Variants in SLC24A4 observed in about 807,000 individuals in gnomAD.
The protein encoded by SLC24A4 is sodium/potassium/calcium exchanger 4.
In SLC24A4, 53 loss-of-function variants were observed where a neutral mutation model predicts 79.0. The ratio of observed to expected loss-of-function variants is 0.67; its 90% confidence interval spans 0.54 to 0.84. The LOEUF is 0.84. Ranked by LOEUF, SLC24A4 falls within the 40% of genes least tolerant of loss-of-function variation. The probability of loss-of-function intolerance (pLI) is 0.00; values close to 1 mark genes in which losing one functional copy is unlikely to be tolerated. For missense variants in SLC24A4, 731 were observed against 822.0 expected (o/e 0.89, Z 1.35); for synonymous variants, 323 against 323.8 (o/e 1.00, Z 0.03).
At chr14:92,433,374 A>G (rs1476972271) in intron 2 of SLC24A4, among the ~76,000 whole-genome samples, 1 of 152,212 alleles carries the variant, frequency 6.6e-6, no homozygotes, top group East Asian at 1.9e-4. Context: ...TTATTTCCAC[A>G]TCTTGGCTGT....
chr14:92,456,693 G>A (rs1469202106), intron 12 of SLC24A4, 85 bp downstream of exon 12: 1 of 1,366,948 alleles, frequency 7.3e-7, no homozygotes. Flanking sequence ...ATGGAGGCAT[G>A]GACTTGTAAG....
rs1034479285 is a variant in SLC24A4, at chr14:92,349,407, G to A, written c.241+23429G>A. Among the ~76,000 whole-genome samples the A allele has an allele frequency of 5.3e-5, 8 of 152,166 alleles. No individual in the cohort carries two copies. The South Asian group carries it at 1.2e-3, about 24-fold the overall frequency. ...ATTCCTGAGCTCAAGTGATCCGCCC[G>A]CCTTGGCCTCCCAAAGTGCTGGGAT... is the stretch of plus-strand genomic sequence containing the variant. On this transcript the variant is annotated intron_variant, in intron 2 of 16. Coordinates refer to ENST00000532405, the MANE Select transcript of SLC24A4 (RefSeq NM_153646.4).
chr14:92,385,176 A>G lies in SLC24A4; in HGVS notation c.242-48736A>G, dbSNP rs77547788. 5.8e-3 allele frequency among the ~76,000 whole-genome samples: 879 copies of G among 152,326 alleles called. 11 individuals carry two copies. Among genetic ancestry groups the G allele is most frequent in the African/African-American group, 0.02 (848 of 41,564 alleles). On this transcript the variant is annotated intron_variant, in intron 2 of 16. Transcript: ENST00000532405. ...ACTCTTAGCACCTCTGCTAAGACACAGTGCCTACCCATGCCTTCTGTAGAT... is the reference window on the plus strand; with the variant it reads ...ACTCTTAGCACCTCTGCTAAGACACGGTGCCTACCCATGCCTTCTGTAGAT...
intron 1 of SLC24A4, among the ~76,000 whole-genome samples, chr14:92,325,596 A>C (rs539057517): frequency 6.6e-6 from 1 of 152,282 alleles, no homozygotes; most frequent in Admixed American, 6.5e-5. Flanking sequence ...CGTTTGTTGC[A>C]CCTATGAGGT....
chr14:92,392,051 G>A (rs548176367), intron 2 of SLC24A4, among the ~76,000 whole-genome samples: 1 of 152,182 alleles, frequency 6.6e-6, no homozygotes, highest in East Asian at 1.9e-4. Context: ...CACCAGCCCT[G>A]GTTGCTTAAG....
intron 2 of SLC24A4, among the ~76,000 whole-genome samples, chr14:92,410,493 G>T (rs4904900): frequency 3.9e-5 from 6 of 152,130 alleles, no homozygotes; most frequent in Non-Finnish European, 7.4e-5. Context: ...GCCTAGTTTT[G>T]TAAGGTACCT....
intron 2 of SLC24A4, among the ~76,000 whole-genome samples, chr14:92,381,766 A>G (rs1780008154): frequency 6.6e-6 from 1 of 151,536 alleles, no homozygotes; most frequent in Non-Finnish European, 1.5e-5. Context: ...AGAGCTTTAA[A>G]AAAAAATACG....
chr14:92,356,381 GA>G (rs1887183288), intron 2 of SLC24A4, among the ~76,000 whole-genome samples: 1 of 152,202 alleles, frequency 6.6e-6, no homozygotes, highest in East Asian at 1.9e-4. Context: ...TTTTCCTTGT[GA>G]AATGTTTTTC....
chr14:92,455,942 C>A (rs1893430641), intron 11 of SLC24A4, among the ~76,000 whole-genome samples: 1 of 152,170 alleles, frequency 6.6e-6, no homozygotes, highest in South Asian at 2.1e-4. Flanking sequence ...CTCAAGTGAT[C>A]CACCCACCTC....
chr14:92,324,708 A>G (rs564397044), intron 1 of SLC24A4, among the ~76,000 whole-genome samples: 5 of 152,348 alleles, frequency 3.3e-5, no homozygotes, highest in African/African-American at 9.6e-5. Flanking sequence ...GGAGACATTC[A>G]CTTCCCTAAT....
chr14:92,439,195 T>C (rs1892353409), intron 3 of SLC24A4, 140 bp from the exon 4 acceptor site: 2 of 652,570 alleles, frequency 3.1e-6, no homozygotes, highest in Non-Finnish European at 5.5e-6. Flanking sequence ...GAACGAAATC[T>C]ATGGTGCTGG....
chr14:92,456,587 C>T lies in SLC24A4; in HGVS notation c.1234C>T (p.Leu412=), dbSNP rs1467926364. 3 of 1,613,678 alleles carry T rather than the reference C, an allele frequency of 1.9e-6. No individual in the cohort carries two copies. Among genetic ancestry groups the T allele is most frequent in the African/African-American group, 1.3e-5 (1 of 74,928 alleles). ...PEPEPVEADF[L]SPFSVPEARG... ...GCCAGAGCCGGTGGAGGCTGACTTC[C>T]TGTCCCCCTTCTCCGTGCCGGGTGA... The change falls in exon 12 of 17, where the codon CTG becomes TTG. Residue 412 remains leucine (L), a synonymous_variant. Coordinates refer to ENST00000532405, the MANE Select transcript of SLC24A4 (RefSeq NM_153646.4).
rs1214636579 is a variant in SLC24A4, at chr14:92,323,675, C to T, written c.-156C>T. The stretch of plus-strand genomic sequence containing the variant: ...CCACCTTCCCAAGGGGCTCCCCCGC[C>T]GACCTCGCCCTCGGGCCATGAGGCT... On this transcript the variant is annotated 5_prime_UTR_variant, in exon 1 of 17. Coordinates refer to ENST00000532405, the MANE Select transcript of SLC24A4 (RefSeq NM_153646.4). This position sits in a 1 kb window ranked among gnomAD's most constrained non-coding sequence, Gnocchi z 4.9. 4.3e-6 allele frequency: 4 copies of T among 922,296 alleles called. No individual in the cohort carries two copies. In the East Asian group the frequency reaches 9.6e-5, roughly 22 times the overall value. The allele number at this position is 922,296 out of a possible 1,614,324, so 57.1% of individuals were successfully genotyped here. A position where few individuals can be genotyped will look rare whatever the true frequency, so the allele number is the denominator to read the frequency against.
At chr14:92,473,953 G>A (rs1894576593) in intron 12 of SLC24A4, among the ~76,000 whole-genome samples, 1 of 152,156 alleles carries the variant, frequency 6.6e-6, no homozygotes. Flanking sequence ...GGTGTCCCGG[G>A]ATTCTTACTG....
At chr14:92,439,608 G>A (rs1892379827) in intron 4 of SLC24A4, among the ~76,000 whole-genome samples, 199 bp downstream of exon 4, 1 of 152,242 alleles carries the variant, frequency 6.6e-6, no homozygotes, top group Non-Finnish European at 1.5e-5. Context: ...GCCTCTCCCA[G>A]AACTTGGCAG....
chr14:92,443,773 G>A (rs1892635759), intron 7 of SLC24A4, among the ~76,000 whole-genome samples: 1 of 152,358 alleles, frequency 6.6e-6, no homozygotes, highest in South Asian at 2.1e-4. Flanking sequence ...CTGTAGGCCA[G>A]GTCCTCTGCT....
intron 12 of SLC24A4, chr14:92,457,302 GAAC>G (rs60368323): frequency 5.2e-5 from 8 of 153,370 alleles, no homozygotes; most frequent in African/African-American, 1.9e-4. Flanking sequence ...GTCATTCCTA[GAAC>G]TGCGCACCTG....
In SLC24A4 at chr14:92,486,697, C is replaced by T. The variant is rs556543819; in HGVS notation, c.1454C>T (p.Pro485Leu). The T allele has an allele frequency of 3.1e-5, 50 of 1,614,066 alleles. No homozygotes were observed. Among genetic ancestry groups the T allele is most frequent in the African/African-American group, 6.7e-5 (5 of 75,018 alleles). ...ATTATCGGATACACACTTGGGATCC[C>T]GGATGTCATCATGGGCATTACTTTC... ...VTIIGYTLGI[P>L]DVIMGITFLA... Residue 485 changes from proline to leucine, a missense_variant, in exon 14 of 17, where the codon CCG becomes CTG. Physicochemically the swap from Pro to Leu is moderately conservative, Grantham distance 98. Coordinates refer to ENST00000532405, the MANE Select transcript of SLC24A4 (RefSeq NM_153646.4).
chr14:92,366,062 G>A (rs1887819038), intron 2 of SLC24A4, among the ~76,000 whole-genome samples: 1 of 152,200 alleles, frequency 6.6e-6, no homozygotes, highest in Admixed American at 6.5e-5. Flanking sequence ...TGTGGCATAG[G>A]CACCATTATA....
Sources: gnomAD v4.1 joint callset for allele counts (sites outside exome capture counted in the v4.1 genomes callset) on GRCh38, gnomAD v4.1.1 for gene constraint, Gnocchi (gnomAD v3.1) non-coding constraint, MANE v1.5 for transcripts, NCBI Gene and HGNC (gene_info 2026-07-23, HGNC 2026-07-21) for gene names.